Variants in WAC observed in about 807,000 individuals in gnomAD.
WAC encodes the protein WW domain-containing adapter protein with coiled-coil.
In WAC, 11 loss-of-function variants were observed where a neutral mutation model predicts 79.6. The observed-to-expected ratio is 0.14, with a 90% CI of 0.09 to 0.23. The LOEUF (loss-of-function observed/expected upper bound fraction) is 0.23. WAC is among the 10% of genes least tolerant of loss of function. WAC has a pLI of 1.00. For missense variants in WAC, 728 were observed against 773.5 expected, an observed-to-expected ratio of 0.94 and a Z score of 0.70; for synonymous variants, 304 against 276.9, an observed-to-expected ratio of 1.10 and a Z score of -0.97.
At chr10:28,591,764 T>G (rs1051887654) in intron 6 of WAC, 1 of 149,882 alleles carries the variant, frequency 6.7e-6, no homozygotes, top group Non-Finnish European at 1.5e-5. Flanking sequence ...AGAAGATGAC[T>G]TGAGCCCTGG....
Position 28,578,991 on chromosome 10 carries a change from C to T in WAC, c.275-4408C>T, listed in dbSNP as rs539015718. On this transcript the variant is annotated intron_variant, in intron 3 of 13. Transcript: ENST00000354911. The stretch of plus-strand genomic sequence containing the variant: ...AGTTGCAAGCTTAAGTATAGAGCCC[C>T]TATATCTGTCCTGCTCTTCTCCCTA... Among the ~76,000 whole-genome samples, 20 of 152,228 alleles carry T rather than the reference C, an allele frequency of 1.3e-4. No homozygotes were observed. The South Asian group carries it at 3.1e-3, about 24-fold the overall frequency.
chr10:28,587,802 T>C (rs1048974297), intron 4 of WAC, among the ~76,000 whole-genome samples: 2 of 152,194 alleles, frequency 1.3e-5, no homozygotes, highest in African/African-American at 4.8e-5. Flanking sequence ...CTTGGACTAA[T>C]CTAGAATTTG....
At position 28,611,855 on chromosome 10, in the gene WAC, C is replaced by T; in HGVS notation, c.1370C>T (p.Thr457Ile). 1 of 1,614,146 alleles carries T rather than the reference C, an allele frequency of 6.2e-7. No homozygotes were observed. The highest frequency in any genetic ancestry group is 8.5e-7 in the Non-Finnish European group (1 of 1,180,028). Residue 457 changes from threonine (T) to isoleucine (I), a missense_variant, in exon 10 of 14, where the codon ACA (threonine) becomes ATA (isoleucine). Transcript: ENST00000354911. ...TCATATGTTTCTCCAAGAATAAGCA[C>T]ACCTCAAACTAACACAGTCCCTATC... ...PRSYVSPRISTPQTNTVPIKP... is the reference protein window; with the variant it reads ...PRSYVSPRISIPQTNTVPIKP...
At chr10:28,614,730 A>T (rs759246827) in intron 11 of WAC, 45 bp downstream of exon 11, 3 of 1,398,000 alleles carry the variant, frequency 2.1e-6, no homozygotes, top group Admixed American at 1.7e-5. Flanking sequence ...TTATTTAATG[A>T]TGGTACACTG....
rs559622322 is a variant in WAC at position 28,544,029 on chromosome 10, C to T, written c.274+8272C>T. 7.9e-5 allele frequency among the ~76,000 whole-genome samples: 12 copies of T among 152,222 alleles called. No individual in the cohort carries two copies. In the South Asian group the frequency reaches 1.5e-3, roughly 18 times the overall value. ...ACCCAAATAGCTGGGATTACAGGTG[C>T]GCACTGCCACGCCCAGCTAATTTTT... On this transcript the variant is annotated intron_variant, in intron 3 of 13. Coordinates refer to ENST00000354911, the MANE Select transcript of WAC (RefSeq NM_016628.5).
chr10:28,533,985 T>C lies in WAC; in HGVS notation c.42-13T>C. On this transcript the variant is annotated splice_polypyrimidine_tract_variant and intron_variant, in intron 1 of 13. Transcript: ENST00000354911. ...CGTGTCTTATGTCGCTGCCTTCTCTTCCTGTTTTTCAGCTGTCACGACCGG... is the reference window on the plus strand; with the variant it reads ...CGTGTCTTATGTCGCTGCCTTCTCTCCCTGTTTTTCAGCTGTCACGACCGG... The C allele has an allele frequency of 6.2e-7, 1 of 1,606,024 alleles. No individual in the cohort carries two copies. Among genetic ancestry groups the C allele is most frequent in the Non-Finnish European group, 8.5e-7 (1 of 1,176,462 alleles).
Position 28,533,999 on chromosome 10 carries a change from T to C in WAC, c.43T>C (p.Cys15Arg), listed in dbSNP as rs145454128. The C allele has an allele frequency of 1.2e-6, 2 of 1,604,126 alleles. No homozygotes were observed. Among genetic ancestry groups the C allele is most frequent in the South Asian group, 2.2e-5 (2 of 90,778 alleles). Residue 15 changes from cysteine (C) to arginine (R), a missense_variant and splice_region_variant, in exon 2 of 14, where the codon TGT becomes CGT. Around this residue, in one of 3 missense-constraint regions of WAC, gnomAD observed 648 missense variants for 661.5 expected, o/e 0.98. Coordinates refer to ENST00000354911, the MANE Select transcript of WAC (RefSeq NM_016628.5). ...ARKQQRLSDG[C>R]HDRRGDSQPY... Reference sequence around the variant, plus strand: ...CTGCCTTCTCTTCCTGTTTTTCAGCTGTCACGACCGGAGGGGGGACTCGCA... The same window carrying C: ...CTGCCTTCTCTTCCTGTTTTTCAGCCGTCACGACCGGAGGGGGGACTCGCA...
chr10:28,571,897 CTTA>C (rs1207543415), intron 3 of WAC, among the ~76,000 whole-genome samples: 1 of 152,176 alleles, frequency 6.6e-6, no homozygotes, highest in Non-Finnish European at 1.5e-5. Flanking sequence ...CTTTTAGAAT[CTTA>C]TTATAATTTG....
At chr10:28,576,144 C>T (rs539395556) in intron 3 of WAC, among the ~76,000 whole-genome samples, 50 of 152,144 alleles carry the variant, frequency 3.3e-4, no homozygotes, top group Non-Finnish European at 5.0e-4. Context: ...AGAACGTATC[C>T]TTGTCTTTAA....
chr10:28,544,386 GT>G (rs1490754177), intron 3 of WAC, among the ~76,000 whole-genome samples: 1 of 152,156 alleles, frequency 6.6e-6, no homozygotes, highest in African/African-American at 2.4e-5. Context: ...TTAGGTTGGT[GT>G]TTTGGTTCAG....
chr10:28,577,960 C>G (rs868005355), intron 3 of WAC, among the ~76,000 whole-genome samples: 1 of 151,978 alleles, frequency 6.6e-6, no homozygotes, highest in Non-Finnish European at 1.5e-5. Flanking sequence ...GACAAGAGTT[C>G]GAAAATAGCC....
chr10:28,595,957 T>G lies in WAC; in HGVS notation c.835T>G (p.Ser279Ala), dbSNP rs1388885269. The stretch of plus-strand genomic sequence containing the variant: ...ACAGTCTGATCACCAGCCAAAGAAA[T>G]CATTTGATGCTAATGGAGCATCTAC... ...TLQSDHQPKK[S>A]FDANGASTLS... Residue 279 changes from serine (S) to alanine (A), a missense_variant, in exon 7 of 14, where the codon TCA (serine) becomes GCA (alanine). Ser to Ala is a moderately conservative substitution (Grantham distance 99). This residue lies in a region of WAC where 648 missense variants were observed against 661.5 expected (regional missense o/e 0.98). Coordinates refer to ENST00000354911, the MANE Select transcript of WAC (RefSeq NM_016628.5). The G allele has an allele frequency of 6.2e-7, 1 of 1,614,146 alleles. No homozygotes were observed. The highest frequency in any genetic ancestry group is 8.5e-7 in the Non-Finnish European group (1 of 1,180,006).
intron 7 of WAC, among the ~76,000 whole-genome samples, chr10:28,607,732 T>C (rs1304786417): frequency 6.6e-6 from 1 of 152,208 alleles, no homozygotes; most frequent in African/African-American, 2.4e-5. Context: ...AAGACCAGTG[T>C]CTTATTGAGG....
At chr10:28,532,992 G>A (rs1279933373), upstream of WAC, 2 of 153,870 alleles carry the variant, frequency 1.3e-5, no homozygotes, top group East Asian at 1.9e-4. Context: ...GAGGAGAAAG[G>A]CCGGAGCCAG....
chr10:28,554,929 TTC>T (rs1837899092), intron 3 of WAC, among the ~76,000 whole-genome samples: 2 of 152,202 alleles, frequency 1.3e-5, no homozygotes, highest in Non-Finnish European at 2.9e-5. Flanking sequence ...TAAAAGTTAC[TTC>T]CTCTGTCCTC....
chr10:28,561,371 T>C (rs537507230), intron 3 of WAC, among the ~76,000 whole-genome samples: 1 of 152,350 alleles, frequency 6.6e-6, no homozygotes, highest in East Asian at 1.9e-4. Flanking sequence ...CTTCCCAGAA[T>C]TGTCCTGATT....
At chr10:28,603,975 ATATATATATATAT>A (rs1840790481) in intron 7 of WAC, among the ~76,000 whole-genome samples, 1 of 95,478 alleles carries the variant, frequency 1.0e-5, no homozygotes, top group Non-Finnish European at 2.0e-5. Context: ...ATATATATAT[ATATATATATATAT>A]GTATATATAT....
chr10:28,573,316 C>T (rs930339559), intron 3 of WAC, among the ~76,000 whole-genome samples: 2 of 152,070 alleles, frequency 1.3e-5, no homozygotes, highest in African/African-American at 4.8e-5. Context: ...CAAAGCCCAA[C>T]TCCCCAATTA....
chr10:28,566,507 C>T lies in WAC; in HGVS notation c.275-16892C>T, dbSNP rs562498709. On this transcript the variant is annotated intron_variant, in intron 3 of 13. Coordinates refer to ENST00000354911, the MANE Select transcript of WAC (RefSeq NM_016628.5). ...ACTGTCAGTCCTCAAAGTACAGCTA[C>T]TCCATTTGTGAATGTATGTTGATTT... Among the ~76,000 whole-genome samples, 15 of 152,286 alleles carry T rather than the reference C, an allele frequency of 9.8e-5. No individual in the cohort carries two copies. In the South Asian group the frequency reaches 2.9e-3, roughly 29 times the overall value.
Sources: gnomAD v4.1 joint callset for allele counts (sites outside exome capture counted in the v4.1 genomes callset) on GRCh38, gnomAD v4.1.1 for gene constraint, gnomAD v4.1.1 regional missense constraint, MANE v1.5 for transcripts, NCBI Gene and HGNC (gene_info 2026-07-23, HGNC 2026-07-21) for gene names.